ICE2: variants seen among roughly 807,000 people sequenced by gnomAD.
ICE2 encodes the protein interactor of little elongation complex ELL subunit 2.
In ICE2, 87 loss-of-function variants were observed where a neutral mutation model predicts 105.4. That is an observed-to-expected ratio of 0.83 (90% CI 0.69 to 0.99). The LOEUF is 0.99. ICE2 is among the 50% of genes least tolerant of loss of function. The pLI, the probability that ICE2 is intolerant of heterozygous loss-of-function variation, is 0.00. For synonymous variants in ICE2, 399 were observed against 392.0 expected (o/e 1.02, Z -0.21); for missense variants, 1,323 against 1,146.7 (o/e 1.15, Z -2.22).
At position 60,428,502 on chromosome 15, in the gene ICE2, G is replaced by A; in HGVS notation, c.2747C>T (p.Pro916Leu). ...TATTCTTCCATGATGGATATGATATGGTAATAACAGGCTGGGATCTAATGG... is the reference window on the plus strand; with the variant it reads ...TATTCTTCCATGATGGATATGATATAGTAATAACAGGCTGGGATCTAATGG... ...WVPLDPSLLL[P>L]YHIHHGRIPC... Residue 916 changes from proline (P) to leucine (L), a missense_variant, in exon 15 of 16, where the codon CCA becomes CTA. Pro to Leu is a moderately conservative substitution (Grantham distance 98, BLOSUM62 -3). Transcript: ENST00000261520. 6.2e-7 allele frequency: 1 copy of A among 1,614,020 alleles called. No homozygotes were observed. The highest frequency in any genetic ancestry group is 8.5e-7 in the Non-Finnish European group (1 of 1,179,918).
Position 60,436,720 on chromosome 15 carries a change from C to CAAAAAA in ICE2, c.2426-499_2426-494dup, listed in dbSNP as rs58594280. Reference sequence around the variant, plus strand: ...GTGGTGACAGAGCCAGACTCTGTCTCAAAAAAAAAAAAAAAAAAAAGAAAG... The same window carrying CAAAAAA: ...GTGGTGACAGAGCCAGACTCTGTCTCAAAAAAAAAAAAAAAAAAAAAAAAAAGAAAG... On this transcript the variant is annotated intron_variant, in intron 12 of 15. Coordinates refer to ENST00000261520, the MANE Select transcript of ICE2 (RefSeq NM_024611.6). Among the ~76,000 whole-genome samples, 102 of 87,988 alleles carry CAAAAAA rather than the reference C, an allele frequency of 1.2e-3. 2 individuals carry two copies. Among genetic ancestry groups the CAAAAAA allele is most frequent in the Non-Finnish European group, 1.5e-3 (67 of 46,028 alleles). The allele number at this position is 87,988 out of a possible 152,430, so 57.7% of individuals were successfully genotyped here.
intron 11 of ICE2, 67 bp from the exon 12 acceptor site, chr15:60,442,612 T>C: frequency 7.8e-7 from 1 of 1,277,234 alleles, no homozygotes; most frequent in East Asian, 2.5e-5. Flanking sequence ...TACATTTGCC[T>C]ATACAGCTTT....
intron 5 of ICE2, among the ~76,000 whole-genome samples, chr15:60,459,041 C>A (rs577628605): frequency 6.6e-6 from 1 of 152,208 alleles, no homozygotes; most frequent in South Asian, 2.1e-4. Flanking sequence ...GGTGGTGATA[C>A]CTGCATAACA....
chr15:60,456,566 A>T (rs12900361), intron 6 of ICE2, 91 bp downstream of exon 6: 2,607 of 64,484 alleles, frequency 0.04, 129 homozygotes, highest in African/African-American at 0.081. Flanking sequence ...TAAATAAATA[A>T]ATATATATAT....
chr15:60,461,364 A>T (rs780590138), intron 5 of ICE2, among the ~76,000 whole-genome samples: 1 of 152,252 alleles, frequency 6.6e-6, no homozygotes, highest in Non-Finnish European at 1.5e-5. Context: ...TAAAAATAAA[A>T]GCAAATTAAA....
chr15:60,446,066 A>G (rs2063815968), intron 11 of ICE2, among the ~76,000 whole-genome samples: 1 of 152,196 alleles, frequency 6.6e-6, no homozygotes, highest in Admixed American at 6.5e-5. Flanking sequence ...AGACTATCAA[A>G]CCTACAGAAT....
At chr15:60,446,427 ACT>A (rs2141050852) in intron 11 of ICE2, among the ~76,000 whole-genome samples, 1 of 152,108 alleles carries the variant, frequency 6.6e-6, no homozygotes, top group East Asian at 1.9e-4. Flanking sequence ...ATAGAGTCTC[ACT>A]CTGTTGCCCA....
At chr15:60,467,913 GAATT>G in intron 4 of ICE2, 144 bp downstream of exon 4, 1 of 674,858 alleles carries the variant, frequency 1.5e-6, no homozygotes, top group Non-Finnish European at 2.3e-6. Flanking sequence ...ACCAACAAAA[GAATT>G]AAAGCACCAT....
At chr15:60,429,759 C>A (rs1422299287) in intron 14 of ICE2, among the ~76,000 whole-genome samples, 4 of 151,584 alleles carry the variant, frequency 2.6e-5, no homozygotes, top group Non-Finnish European at 5.9e-5. Flanking sequence ...ATTTTTTTTC[C>A]CAATCATTTT....
At chr15:60,442,644 G>T (rs1253785083) in intron 11 of ICE2, 99 bp from the exon 12 acceptor site, 2 of 887,464 alleles carry the variant, frequency 2.3e-6, no homozygotes, top group Non-Finnish European at 3.4e-6. Flanking sequence ...AATGCTTTCA[G>T]GTAATCTTAT....
intron 3 of ICE2, 43 bp from the exon 4 acceptor site, chr15:60,468,365 G>A (rs1164799953): frequency 2.8e-6 from 4 of 1,450,138 alleles, no homozygotes; most frequent in Non-Finnish European, 3.8e-6. Flanking sequence ...CTTTTCACAT[G>A]AAGATTACTA....
intron 11 of ICE2, chr15:60,442,910 G>A (rs543783568): frequency 5.2e-4 from 83 of 158,670 alleles, no homozygotes; most frequent in Non-Finnish European, 9.1e-4. Context: ...CAGATGCTGG[G>A]AAGCACTGAC....
At chr15:60,459,739 T>G (rs970074509) in intron 5 of ICE2, among the ~76,000 whole-genome samples, 2 of 152,182 alleles carry the variant, frequency 1.3e-5, no homozygotes, top group South Asian at 4.1e-4. Context: ...ATTTCTATAT[T>G]GTTTGGGAGG....
chr15:60,474,873 G>A (rs1312856451), intron 3 of ICE2, among the ~76,000 whole-genome samples: 1 of 152,180 alleles, frequency 6.6e-6, no homozygotes, highest in East Asian at 1.9e-4. Flanking sequence ...TGTAACCCCA[G>A]CACTTTGGGA....
chr15:60,444,498 C>T (rs951284561), intron 11 of ICE2, among the ~76,000 whole-genome samples: 1 of 152,072 alleles, frequency 6.6e-6, no homozygotes, highest in Non-Finnish European at 1.5e-5. Context: ...ATAAATGGCT[C>T]CCCAAGTAAA....
chr15:60,444,649 TTC>T lies in ICE2; in HGVS notation c.2296-2106_2296-2105del, dbSNP rs1224938623. The stretch of plus-strand genomic sequence containing the variant: ...ATAATCATGTATTGAACTCAGTAAA[TTC>T]TGTTTTATATCTTGTGGTCCAAATT... On this transcript the variant is annotated intron_variant, in intron 11 of 15. Coordinates refer to ENST00000261520, the MANE Select transcript of ICE2 (RefSeq NM_024611.6). 1.4e-4 allele frequency among the ~76,000 whole-genome samples: 22 copies of T among 152,204 alleles called. No homozygotes were observed. In the South Asian group the frequency reaches 4.2e-3, roughly 29 times the overall value.
At position 60,423,806 on chromosome 15, in the gene ICE2, A is replaced by G. The variant is rs781618673; in HGVS notation, c.2821-44T>C. ...AACAGAATAGCTTAATGTATCTACA[A>G]CATACCTATATACAGTCAACTCTGT... On this transcript the variant is annotated intron_variant, in intron 15 of 15. Transcript: ENST00000261520. 18 of 1,508,676 alleles carry G rather than the reference A, an allele frequency of 1.2e-5. No homozygotes were observed. In the South Asian group the frequency reaches 2.3e-4, roughly 19 times the overall value. The allele number at this position is 1,508,676 out of a possible 1,614,324, so 93.5% of individuals were successfully genotyped here. A position where few individuals can be genotyped will look rare whatever the true frequency, so the allele number is the denominator to read the frequency against.
intron 15 of ICE2, among the ~76,000 whole-genome samples, chr15:60,424,618 C>T (rs1379870196): frequency 1.3e-5 from 2 of 152,176 alleles, no homozygotes; most frequent in Admixed American, 1.3e-4. Flanking sequence ...AGCGATTCTC[C>T]TGACTCCAGA....
chr15:60,470,087 A>C (rs1567011311), intron 3 of ICE2, among the ~76,000 whole-genome samples: 2 of 152,180 alleles, frequency 1.3e-5, no homozygotes, highest in Non-Finnish European at 2.9e-5. Context: ...CTCATTCTTC[A>C]TTCCTCCATT....
Sources: gnomAD v4.1 joint callset for allele counts (sites outside exome capture counted in the v4.1 genomes callset) on GRCh38, gnomAD v4.1.1 for gene constraint, MANE v1.5 for transcripts, NCBI Gene and HGNC (gene_info 2026-07-23, HGNC 2026-07-21) for gene names.